The following SNTG1 variants were observed in gnomAD, a reference collection of about 807,000 sequenced individuals.
SNTG1 encodes the protein syntrophin gamma 1, also known as gamma-1-syntrophin.
SNTG1 carries 39 observed loss-of-function variants against 74.7 expected under a neutral mutation model. That is an observed-to-expected ratio of 0.52 (90% CI 0.40 to 0.68). The LOEUF (loss-of-function observed/expected upper bound fraction) is 0.68, where lower values mean the gene tolerates loss of function less well. Among genes scored for constraint, SNTG1 ranks in the 30% least tolerant of loss-of-function variants. The pLI is 0.00. For synonymous variants in SNTG1, 254 were observed against 217.1 expected, an observed-to-expected ratio of 1.17 and a Z score of -1.49; for missense variants, 685 against 609.5, an observed-to-expected ratio of 1.12 and a Z score of -1.30.
At chr8:50,381,815 T>C (rs1563309555) in intron 2 of SNTG1, 1 of 138,964 alleles carries the variant, frequency 7.2e-6, no homozygotes, top group Non-Finnish European at 1.5e-5. Context: ...TCTGTAGCTA[T>C]ATATATAACA....
At chr8:50,605,925 C>T (rs2094808834) in intron 13 of SNTG1, among the ~76,000 whole-genome samples, 1 of 152,090 alleles carries the variant, frequency 6.6e-6, no homozygotes, top group African/African-American at 2.4e-5. Flanking sequence ...TATATTATGT[C>T]TGTTGATTGG....
At chr8:50,569,787 C>T (rs982917560) in intron 12 of SNTG1, among the ~76,000 whole-genome samples, 1 of 152,048 alleles carries the variant, frequency 6.6e-6, no homozygotes, top group Non-Finnish European at 1.5e-5. Context: ...TACTTTTTAG[C>T]ATTAGTATGT....
intron 1 of SNTG1, among the ~76,000 whole-genome samples, chr8:50,070,337 C>T (rs1293800229): frequency 6.6e-6 from 1 of 152,016 alleles, no homozygotes; most frequent in Non-Finnish European, 1.5e-5. Flanking sequence ...AATAGCTTTT[C>T]TTTTGTTATT....
chr8:50,570,591 GTTATTA>G lies in SNTG1; in HGVS notation c.810+17439_810+17444del, dbSNP rs61229968. Among the ~76,000 whole-genome samples the G allele has an allele frequency of 1.9e-4, 25 of 130,154 alleles. 1 individual carries two copies. Among genetic ancestry groups the G allele is most frequent in the South Asian group, 7.5e-4 (3 of 3,984 alleles). 85.4% of individuals were successfully genotyped at this position (130,154 alleles called of 152,430 possible). A position where few individuals can be genotyped will look rare whatever the true frequency, so the allele number is the denominator to read the frequency against. On this transcript the variant is annotated intron_variant, in intron 12 of 18. Coordinates refer to ENST00000642720, the MANE Select transcript of SNTG1 (RefSeq NM_018967.5). Reference sequence around the variant, plus strand: ...TATTATTATTATTATTATTATTGTTGTTATTATTATTATTATTATTATTATTATTAT... The same window carrying G: ...TATTATTATTATTATTATTATTGTTGTTATTATTATTATTATTATTATTAT...
intron 2 of SNTG1, among the ~76,000 whole-genome samples, chr8:50,386,107 A>G (rs921932133): frequency 2.6e-5 from 4 of 152,292 alleles, no homozygotes; most frequent in East Asian, 1.9e-4. Flanking sequence ...CTCTCACTCC[A>G]CATGTCAGAA....
chr8:50,771,446 G>A (rs1383776758), intron 18 of SNTG1, among the ~76,000 whole-genome samples: 2 of 152,090 alleles, frequency 1.3e-5, no homozygotes, highest in Non-Finnish European at 2.9e-5. Flanking sequence ...GCAACTGCAT[G>A]GTTGCATTTA....
At chr8:50,133,696 A>T (rs552705625) in intron 1 of SNTG1, among the ~76,000 whole-genome samples, 2 of 152,048 alleles carry the variant, frequency 1.3e-5, no homozygotes, top group Non-Finnish European at 2.9e-5. Flanking sequence ...CTCTGCCTCC[A>T]CTGGCACATG....
At chr8:49,938,797 A>G (rs1230890223) in intron 1 of SNTG1, among the ~76,000 whole-genome samples, 1 of 151,560 alleles carries the variant, frequency 6.6e-6, no homozygotes, top group Non-Finnish European at 1.5e-5. Context: ...ACTGTGTAAT[A>G]AATTTGTACA....
chr8:50,219,379 G>A (rs2084948514), intron 2 of SNTG1, among the ~76,000 whole-genome samples: 1 of 152,114 alleles, frequency 6.6e-6, no homozygotes, highest in Non-Finnish European at 1.5e-5. Context: ...GAAATAAGAA[G>A]ATATAAGCCA....
At chr8:50,121,760 C>A (rs889215464) in intron 1 of SNTG1, among the ~76,000 whole-genome samples, 1 of 141,596 alleles carries the variant, frequency 7.1e-6, no homozygotes, top group Admixed American at 7.3e-5. Context: ...ACTCGGGAGG[C>A]TAAGGTTGGA....
At chr8:49,943,253 G>A (rs1808863433) in intron 1 of SNTG1, among the ~76,000 whole-genome samples, 1 of 151,888 alleles carries the variant, frequency 6.6e-6, no homozygotes, top group African/African-American at 2.4e-5. Context: ...GGTACTCAAA[G>A]GCTGTATTCC....
intron 1 of SNTG1, among the ~76,000 whole-genome samples, chr8:49,986,501 A>G (rs946981197): frequency 3.3e-5 from 5 of 152,170 alleles, no homozygotes; most frequent in Admixed American, 3.3e-4. Context: ...TTTTATCAGA[A>G]TATGTGTACA....
chr8:50,257,813 T>G (rs6985348), intron 2 of SNTG1, among the ~76,000 whole-genome samples: 1 of 152,122 alleles, frequency 6.6e-6, no homozygotes, highest in Non-Finnish European at 1.5e-5. Context: ...CAAATGGAGC[T>G]CCAAACTTAA....
Position 49,927,792 on chromosome 8 carries a change from G to A in SNTG1, c.-103+15561G>A, listed in dbSNP as rs564649227. On this transcript the variant is annotated intron_variant, in intron 1 of 18. Coordinates refer to ENST00000642720, the MANE Select transcript of SNTG1 (RefSeq NM_018967.5). The stretch of plus-strand genomic sequence containing the variant: ...ATATGTTTGTCCAGACCCACAGAAT[G>A]TACAGTACCTAGAGAGAACCATAAT... Among the ~76,000 whole-genome samples the A allele has an allele frequency of 3.9e-5, 6 of 152,112 alleles. No individual in the cohort carries two copies. In the South Asian group the frequency reaches 1.0e-3, roughly 26 times the overall value.
chr8:50,399,335 G>A (rs916176641), intron 3 of SNTG1, among the ~76,000 whole-genome samples: 1 of 152,122 alleles, frequency 6.6e-6, no homozygotes, highest in South Asian at 2.1e-4. Context: ...CTGTTTTCCA[G>A]ACAACTATCT....
chr8:50,584,512 C>CTT (rs34546157), intron 12 of SNTG1, among the ~76,000 whole-genome samples: 4,826 of 126,730 alleles, frequency 0.038, 220 homozygotes, highest in East Asian at 0.073. Flanking sequence ...TTCTCTGATT[C>CTT]TTTTTTTTTT....
intron 17 of SNTG1, among the ~76,000 whole-genome samples, chr8:50,719,988 A>G (rs2095483862): frequency 6.6e-6 from 1 of 152,224 alleles, no homozygotes; most frequent in Non-Finnish European, 1.5e-5. Flanking sequence ...GAATAAATTT[A>G]GATGAAATAC....
intron 1 of SNTG1, among the ~76,000 whole-genome samples, chr8:50,140,273 C>T (rs1266554718): frequency 6.6e-6 from 1 of 152,158 alleles, no homozygotes; most frequent in Non-Finnish European, 1.5e-5. Flanking sequence ...AAGGATCCCA[C>T]ATTGTCACAC....
chr8:50,328,032 T>C (rs1455699173), intron 2 of SNTG1, among the ~76,000 whole-genome samples: 3 of 152,160 alleles, frequency 2.0e-5, no homozygotes, highest in Admixed American at 2.0e-4. Flanking sequence ...AAACACATTG[T>C]TGCTATTATT....
Sources: allele counts gnomAD v4.1 joint callset (sites outside exome capture counted in the v4.1 genomes callset), GRCh38; gene constraint gnomAD v4.1.1; transcripts MANE v1.5; gene names NCBI Gene and HGNC (gene_info 2026-07-23, HGNC 2026-07-21).